The following VPS13C variants were observed in gnomAD, a reference collection of about 807,000 sequenced individuals.
The protein encoded by VPS13C is intermembrane lipid transfer protein VPS13C.
In VPS13C, 358 loss-of-function variants were observed where a neutral mutation model predicts 456.8. That is an observed-to-expected ratio of 0.78 (90% CI 0.72 to 0.86). The LOEUF is 0.86. Ranked by LOEUF, VPS13C falls within the 40% of genes least tolerant of loss-of-function variation. The probability of loss-of-function intolerance (pLI) is 0.00; values close to 1 mark genes in which losing one functional copy is unlikely to be tolerated. For synonymous variants in VPS13C, 1,578 were observed against 1,486.7 expected (o/e 1.06, Z -1.41); for missense variants, 4,818 against 4,385.4 (o/e 1.10, Z -2.79).
At chr15:62,025,598 T>A (rs1424228663) in intron 6 of VPS13C, among the ~76,000 whole-genome samples, 3 of 152,134 alleles carry the variant, frequency 2.0e-5, no homozygotes, top group African/African-American at 7.2e-5. Flanking sequence ...GGTTTCATAT[T>A]TGTTCTAGCA....
At chr15:62,051,877 T>C (rs1430612094) in intron 1 of VPS13C, among the ~76,000 whole-genome samples, 1 of 152,218 alleles carries the variant, frequency 6.6e-6, no homozygotes, top group East Asian at 1.9e-4. Context: ...ATCTATTTTT[T>C]TCCTCAAAAG....
intron 8 of VPS13C, 94 bp from the exon 9 acceptor site, chr15:62,020,632 G>T: frequency 7.9e-7 from 1 of 1,273,092 alleles, no homozygotes. Context: ...TGTGTTTACA[G>T]GTTAAGCCAT....
intron 1 of VPS13C, among the ~76,000 whole-genome samples, chr15:62,055,488 G>A (rs1270681699): frequency 6.7e-6 from 1 of 149,686 alleles, no homozygotes; most frequent in African/African-American, 2.5e-5. Flanking sequence ...TGATCTGCCT[G>A]CCTCGGCCTC....
At chr15:61,989,132 T>G (rs928627699) in intron 18 of VPS13C, among the ~76,000 whole-genome samples, 30 of 151,916 alleles carry the variant, frequency 2.0e-4, no homozygotes, top group Non-Finnish European at 4.1e-4. Context: ...GGCTCACACC[T>G]GTAATCCCAG....
chr15:61,922,762 T>C lies in VPS13C; in HGVS notation c.6610A>G (p.Ile2204Val). Reference protein sequence around the residue: ...NIMVKEFIIKISPIILNTVLT... With the variant: ...NIMVKEFIIKVSPIILNTVLT... ...ACAGTATTAAGAATTATGGGTGAAA[T>C]CTTTAAAAAAGAAAGCAGAAAAATA... The change falls in exon 54 of 85, where the codon ATT (isoleucine) becomes GTT (valine). Residue 2204 changes from isoleucine to valine, a missense_variant and splice_region_variant. Ile to Val is a conservative substitution (Grantham distance 29). Transcript: ENST00000644861. 6.4e-7 allele frequency: 1 copy of C among 1,560,504 alleles called. No homozygotes were observed. The highest frequency in any genetic ancestry group is 1.2e-5 in the South Asian group (1 of 81,462).
Position 62,008,665 on chromosome 15 carries a change from C to CAT in VPS13C, c.1106_1107dup (p.Gly370MetfsTer18). The CAT allele has an allele frequency of 6.3e-7, 1 of 1,598,378 alleles. No individual in the cohort carries two copies. Among genetic ancestry groups the CAT allele is most frequent in the Non-Finnish European group, 8.5e-7 (1 of 1,172,594 alleles). ...CAAATTCTAACTTACCATCGTCGAC[C>CAT]ATTGGTATGAAGTGGTAAATAAGGC... On this transcript the variant is annotated frameshift_variant, in exon 14 of 85. Transcript: ENST00000644861. LOFTEE classifies it high-confidence loss of function.
rs199926206 is a variant in VPS13C, at chr15:61,880,893, T to C, written c.9838A>G (p.Ile3280Val). Residue 3280 changes from isoleucine (I) to valine (V), a missense_variant, in exon 72 of 85, where the codon ATT becomes GTT. Physicochemically the swap from Ile to Val is conservative, Grantham distance 29. Coordinates refer to ENST00000644861, the MANE Select transcript of VPS13C (RefSeq NM_020821.3). ...LKIDQGFLGAIIALFTPTTDP... is the reference protein window; with the variant it reads ...LKIDQGFLGAVIALFTPTTDP... Reference sequence around the variant, plus strand: ...GTTGTTGGGGTAAACAGTGCAATAATAGCTCCTAGAAACCCTTGATCAATT... The same window carrying C: ...GTTGTTGGGGTAAACAGTGCAATAACAGCTCCTAGAAACCCTTGATCAATT... 4.3e-6 allele frequency: 7 copies of C among 1,610,842 alleles called. No individual in the cohort carries two copies. The East Asian group carries it at 1.1e-4, about 26-fold the overall frequency.
intron 64 of VPS13C, among the ~76,000 whole-genome samples, chr15:61,909,526 T>C (rs1402401125): frequency 6.6e-6 from 1 of 152,222 alleles, no homozygotes; most frequent in Non-Finnish European, 1.5e-5. Flanking sequence ...AAGTTCTTAC[T>C]AAAAAGCAAA....
At chr15:61,943,991 C>T (rs1275934661) in intron 45 of VPS13C, among the ~76,000 whole-genome samples, 1 of 149,696 alleles carries the variant, frequency 6.7e-6, no homozygotes, top group East Asian at 1.9e-4. Flanking sequence ...CATGAACAGA[C>T]ACTTCTCAAA....
chr15:61,856,350 C>T lies in VPS13C; in HGVS notation c.11012G>A (p.Cys3671Tyr). The T allele has an allele frequency of 6.2e-7, 1 of 1,613,362 alleles. No homozygotes were observed. The highest frequency in any genetic ancestry group is 8.5e-7 in the Non-Finnish European group (1 of 1,179,600). ...ILGLMCVDWQ[C>Y]PFEDFVFPPS... is the part of the protein sequence containing the mutation. ...AGGAAATACAAAATCTTCAAATGGA[C>T]ATTGCCAGTCTACACACATAAGGCC... The change falls in exon 83 of 85, where the codon TGT (cysteine) becomes TAT (tyrosine). Residue 3671 changes from cysteine to tyrosine, a missense_variant. Around this residue, in one of 3 missense-constraint regions of VPS13C, gnomAD observed 261 missense variants for 234.1 expected, o/e 1.11. Coordinates refer to ENST00000644861, the MANE Select transcript of VPS13C (RefSeq NM_020821.3).
At chr15:61,904,345 G>C (rs2043093717) in intron 66 of VPS13C, among the ~76,000 whole-genome samples, 1 of 151,384 alleles carries the variant, frequency 6.6e-6, no homozygotes, top group Admixed American at 6.6e-5. Context: ...CAAAAGATCT[G>C]AAGAGGCATA....
chr15:61,964,240 T>C (rs79976780), intron 31 of VPS13C, among the ~76,000 whole-genome samples: 1,780 of 152,178 alleles, frequency 0.012, 45 homozygotes, highest in African/African-American at 0.041. Context: ...GTTACATGGT[T>C]GAAGTAGCAA....
intron 16 of VPS13C, among the ~76,000 whole-genome samples, chr15:61,992,047 TTA>T: frequency 6.6e-6 from 1 of 152,276 alleles, no homozygotes; most frequent in East Asian, 1.9e-4. Flanking sequence ...AGCAATATAG[TTA>T]AGGTTTCAGG....
In VPS13C at chr15:61,873,786, G is replaced by A. The variant is rs566151400; in HGVS notation, c.10415-377C>T. ...GAGGCTCCTCAAAAAACTGAAACTA[G>A]AACTACCGTATGATCCAGCAATCCA... is the stretch of plus-strand genomic sequence containing the variant. On this transcript the variant is annotated intron_variant, in intron 77 of 84. Transcript: ENST00000644861. 3.3e-5 allele frequency among the ~76,000 whole-genome samples: 5 copies of A among 152,078 alleles called. No homozygotes were observed. In the South Asian group the frequency reaches 1.0e-3, roughly 32 times the overall value.
intron 38 of VPS13C, among the ~76,000 whole-genome samples, chr15:61,954,056 C>CT (rs887385373): frequency 7.9e-5 from 12 of 151,900 alleles, no homozygotes; most frequent in Non-Finnish European, 1.5e-4. Flanking sequence ...AGTAATGTAA[C>CT]TTTTTTTTAA....
At chr15:62,032,557 A>G (rs905994767) in intron 5 of VPS13C, among the ~76,000 whole-genome samples, 2 of 151,830 alleles carry the variant, frequency 1.3e-5, no homozygotes, top group African/African-American at 4.8e-5. Flanking sequence ...TAAAAATTTA[A>G]AGGAACAACC....
chr15:61,973,265 C>A (rs2045608980), intron 26 of VPS13C, among the ~76,000 whole-genome samples, 189 bp downstream of exon 26: 1 of 152,002 alleles, frequency 6.6e-6, no homozygotes, highest in African/African-American at 2.4e-5. Flanking sequence ...TTCATTTGTC[C>A]AACGAAGACA....
At chr15:61,950,877 T>C in intron 40 of VPS13C, 68 bp downstream of exon 40, 1 of 987,246 alleles carries the variant, frequency 1.0e-6, no homozygotes, top group Middle Eastern at 3.4e-4. Context: ...AATGAGAATA[T>C]TAAATATAAG....
chr15:61,910,434 T>C (rs2043271823), intron 63 of VPS13C, 129 bp from the exon 64 acceptor site: 1 of 671,964 alleles, frequency 1.5e-6, no homozygotes, highest in Non-Finnish European at 2.0e-6. Context: ...TAAAAATATG[T>C]CCTCTACATC....
Sources: allele counts gnomAD v4.1 joint callset (sites outside exome capture counted in the v4.1 genomes callset), GRCh38; gene constraint gnomAD v4.1.1; regional missense constraint gnomAD v4.1.1; transcripts MANE v1.5; gene names NCBI Gene and HGNC (gene_info 2026-07-23, HGNC 2026-07-21).